SPIDR: variants seen among roughly 807,000 people sequenced by gnomAD.
The protein encoded by SPIDR is scaffold protein involved in DNA repair, also known as DNA repair-scaffolding protein.
Under a neutral mutation model 104.6 loss-of-function variants are expected in SPIDR, and 93 were observed. The ratio of observed to expected loss-of-function variants is 0.89; its 90% CI spans 0.75 to 1.06. SPIDR has a LOEUF of 1.06. SPIDR is among the 50% of genes least tolerant of loss of function. The pLI, the probability that SPIDR is intolerant of heterozygous loss-of-function variation, is 0.00. For missense variants in SPIDR, 1,154 were observed against 1,111.2 expected, an observed-to-expected ratio of 1.04 and a Z score of -0.55; for synonymous variants, 431 against 416.9, an observed-to-expected ratio of 1.03 and a Z score of -0.41.
intron 5 of SPIDR, among the ~76,000 whole-genome samples, chr8:47,355,271 T>TAAAAAAAAAAAA (rs34902790): frequency 8.6e-6 from 1 of 116,568 alleles, no homozygotes; most frequent in African/African-American, 3.3e-5. Context: ...AGGTTTTTTG[T>TAAAAAAAAAAAA]AAAAAAAAAA....
chr8:47,369,929 T>G (rs1587814696), intron 5 of SPIDR, among the ~76,000 whole-genome samples: 1 of 152,178 alleles, frequency 6.6e-6, no homozygotes, highest in South Asian at 2.1e-4. Context: ...TTTTTAAGGG[T>G]TCCCTACCCC....
intron 11 of SPIDR, among the ~76,000 whole-genome samples, chr8:47,686,716 C>T (rs1023075878): frequency 6.6e-6 from 1 of 152,128 alleles, no homozygotes; most frequent in Admixed American, 6.5e-5. Context: ...GAATTCATTT[C>T]TATAAATTTC....
chr8:47,668,595 G>T (rs1015780905), intron 10 of SPIDR, among the ~76,000 whole-genome samples: 7 of 151,984 alleles, frequency 4.6e-5, no homozygotes, highest in Admixed American at 4.6e-4. Flanking sequence ...AAACATTCAA[G>T]ACTTTTTCTT....
chr8:47,692,502 T>C (rs2078803335), intron 11 of SPIDR, among the ~76,000 whole-genome samples: 1 of 149,430 alleles, frequency 6.7e-6, no homozygotes. Flanking sequence ...TTTTTTTTTT[T>C]TTTTTTTTCT....
intron 4 of SPIDR, among the ~76,000 whole-genome samples, chr8:47,292,701 C>T (rs1410064488): frequency 6.6e-6 from 1 of 152,084 alleles, no homozygotes; most frequent in Non-Finnish European, 1.5e-5. Flanking sequence ...TTTGTGACCA[C>T]AAAAGTTTTG....
chr8:47,467,684 T>A (rs951225414), intron 8 of SPIDR, among the ~76,000 whole-genome samples: 9 of 151,860 alleles, frequency 5.9e-5, no homozygotes, highest in Admixed American at 5.9e-4. Context: ...AAACTCTGAA[T>A]TACATATTGA....
In SPIDR at chr8:47,329,226, A is replaced by G. The variant is rs1332325358; in HGVS notation, c.525+35196A>G. Among the ~76,000 whole-genome samples, 5 of 151,842 alleles carry G rather than the reference A, an allele frequency of 3.3e-5. 1 individual carries two copies. Among genetic ancestry groups the G allele is most frequent in the Admixed American group, 3.3e-4 (5 of 15,248 alleles). On this transcript the variant is annotated intron_variant, in intron 5 of 19. Coordinates refer to ENST00000297423, the MANE Select transcript of SPIDR (RefSeq NM_001080394.4). The stretch of plus-strand genomic sequence containing the variant: ...GCTGGGACTACAGGCACCCGCCACC[A>G]CGCCCGGCTGATTTTTTTGTATTTT...
intron 10 of SPIDR, among the ~76,000 whole-genome samples, chr8:47,636,045 A>G (rs2067872655): frequency 6.6e-6 from 1 of 152,234 alleles, no homozygotes. Context: ...TTACTACTTG[A>G]GGGCTTGTGG....
intron 10 of SPIDR, among the ~76,000 whole-genome samples, chr8:47,645,577 T>G (rs1007864958): frequency 6.6e-6 from 1 of 152,146 alleles, no homozygotes; most frequent in African/African-American, 2.4e-5. Flanking sequence ...ATAAAAACAC[T>G]GTAAGATAAA....
chr8:47,527,809 A>G (rs983339371), intron 8 of SPIDR: 20 of 152,348 alleles, frequency 1.3e-4, no homozygotes, highest in African/African-American at 4.6e-4. Flanking sequence ...GAGAGCTACT[A>G]TTCTTTTAAT....
At chr8:47,637,263 G>A (rs930281307) in intron 10 of SPIDR, among the ~76,000 whole-genome samples, 7 of 152,126 alleles carry the variant, frequency 4.6e-5, no homozygotes, top group Non-Finnish European at 8.8e-5. Flanking sequence ...GGAGTGTTAG[G>A]TATTTTGTAG....
intron 11 of SPIDR, among the ~76,000 whole-genome samples, chr8:47,692,498 T>C (rs1473946677): frequency 6.7e-6 from 1 of 148,948 alleles, no homozygotes; most frequent in African/African-American, 2.5e-5. Flanking sequence ...TTTTTTTTTT[T>C]TTTTTTTTTT....
intron 5 of SPIDR, among the ~76,000 whole-genome samples, chr8:47,299,584 G>T (rs1164728448): frequency 1.3e-5 from 2 of 152,010 alleles, no homozygotes; most frequent in East Asian, 3.9e-4. Flanking sequence ...ATTGGCTGTG[G>T]GTTTGTCATA....
At position 47,637,237 on chromosome 8, in the gene SPIDR, A is replaced by G. The variant is rs1036457215; in HGVS notation, c.1545-36564A>G. ...CAACTTTTGAGACTTCTCTTTTATG[A>G]CTTTAACAGTTTTGAGGAGTGTTAG... On this transcript the variant is annotated intron_variant, in intron 10 of 19. Coordinates refer to ENST00000297423, the MANE Select transcript of SPIDR (RefSeq NM_001080394.4). Among the ~76,000 whole-genome samples the G allele has an allele frequency of 3.3e-5, 5 of 152,060 alleles. 1 individual carries two copies. Among genetic ancestry groups the G allele is most frequent in the Admixed American group, 1.3e-4 (2 of 15,274 alleles).
At chr8:47,692,522 A>T (rs1589245519) in intron 11 of SPIDR, among the ~76,000 whole-genome samples, 2 of 82,754 alleles carry the variant, frequency 2.4e-5, no homozygotes, top group Admixed American at 1.8e-4. Flanking sequence ...TTTGAGACTG[A>T]GTTTCTTGCT....
chr8:47,511,892 C>T (rs2082385200), intron 8 of SPIDR: 1 of 801,638 alleles, frequency 1.2e-6, no homozygotes. Flanking sequence ...TCTTCCTCAT[C>T]CTCATCTTGG....
At chr8:47,409,240 A>G (rs1163932102) in intron 7 of SPIDR, among the ~76,000 whole-genome samples, 1 of 152,188 alleles carries the variant, frequency 6.6e-6, no homozygotes, top group East Asian at 1.9e-4. Context: ...ATGGATGTCA[A>G]GGACTTGTAC....
At chr8:47,288,632 T>C (rs2039323769) in intron 3 of SPIDR, among the ~76,000 whole-genome samples, 1 of 152,244 alleles carries the variant, frequency 6.6e-6, no homozygotes, top group Non-Finnish European at 1.5e-5. Context: ...ATGATAGAGA[T>C]TGATAATGTC....
intron 8 of SPIDR, among the ~76,000 whole-genome samples, chr8:47,443,486 G>C (rs1032910360): frequency 6.7e-6 from 1 of 149,320 alleles, no homozygotes; most frequent in Admixed American, 6.8e-5. Flanking sequence ...TGAAAGAATC[G>C]CTTGAGCCCA....
Sources: gnomAD v4.1 joint callset for allele counts (sites outside exome capture counted in the v4.1 genomes callset) on GRCh38, gnomAD v4.1.1 for gene constraint, MANE v1.5 for transcripts, NCBI Gene and HGNC (gene_info 2026-07-23, HGNC 2026-07-21) for gene names.